JAK3: variants seen among roughly 807,000 people sequenced by gnomAD.
JAK3 encodes Janus kinase 3, also known as tyrosine-protein kinase JAK3.
Under a neutral mutation model 120.8 loss-of-function variants are expected in JAK3, and 88 were observed. The observed-to-expected ratio is 0.73, with a 90% confidence interval of 0.61 to 0.87. The LOEUF (loss-of-function observed/expected upper bound fraction) is 0.87, where lower values mean the gene tolerates loss of function less well. Among genes scored for constraint, JAK3 ranks in the 40% least tolerant of loss-of-function variants. The pLI is 0.00. For synonymous variants in JAK3, 592 were observed against 628.6 expected, an observed-to-expected ratio of 0.94 and a Z score of 0.87; for missense variants, 1,254 against 1,501.4, an observed-to-expected ratio of 0.84 and a Z score of 2.72.
chr19:17,839,623 C>A lies in JAK3; in HGVS notation c.1295G>T (p.Arg432Leu). The A allele has an allele frequency of 6.2e-7, 1 of 1,612,114 alleles. No individual in the cohort carries two copies. Among genetic ancestry groups the A allele is most frequent in the Non-Finnish European group, 8.5e-7 (1 of 1,179,450 alleles). Residue 432 changes from arginine (R) to leucine (L), a missense_variant, in exon 10 of 24, where the codon CGC becomes CTC. Around this residue, in one of 3 missense-constraint regions of JAK3, gnomAD observed 486 missense variants for 503.0 expected, o/e 0.97. Transcript: ENST00000458235. ...CAGAAGGAAGGTTCCTGTGGGGCTGCGCCGGATGAGGCAGCCCTTATAATC... is the reference window on the plus strand; with the variant it reads ...CAGAAGGAAGGTTCCTGTGGGGCTGAGCCGGATGAGGCAGCCCTTATAATC... ...GPDYKGCLIR[R>L]SPTGTFLLVG...
At position 17,826,580 on chromosome 19, in the gene JAK3, C is replaced by T. The variant is rs2094204280; in HGVS notation, c.*163G>A. On this transcript the variant is annotated 3_prime_UTR_variant, in exon 24 of 24. Coordinates refer to ENST00000458235, the MANE Select transcript of JAK3 (RefSeq NM_000215.4). The stretch of plus-strand genomic sequence containing the variant: ...CTTAACAAATTGCAAAGGCCACAGG[C>T]TATTCTACAGGCCACGGGAGCCCCC... The T allele has an allele frequency of 1.3e-6, 1 of 765,038 alleles. No homozygotes were observed. The highest frequency in any genetic ancestry group is 1.7e-5 in the African/African-American group (1 of 58,316). 47.4% of individuals were successfully genotyped at this position (765,038 alleles called of 1,614,324 possible).
chr19:17,831,134 G>C lies in JAK3; in HGVS notation c.2978+94C>G. ...GCGGAGGAAGGGCGGGGCTAAGGCT[G>C]GGGAGCAAAGCAGCGGGAGGGGGCG... On this transcript the variant is annotated intron_variant, in intron 21 of 23. Transcript: ENST00000458235. This position sits in a 1 kb window ranked among gnomAD's most constrained non-coding sequence, Gnocchi z 5.1. 7.2e-7 allele frequency: 1 copy of C among 1,387,200 alleles called. No individual in the cohort carries two copies. 85.9% of individuals were successfully genotyped at this position (1,387,200 alleles called of 1,614,324 possible).
intron 10 of JAK3, 142 bp from the exon 11 acceptor site, chr19:17,838,532 T>C (rs948944752): frequency 2.2e-6 from 2 of 923,326 alleles, no homozygotes; most frequent in African/African-American, 1.6e-5. Context: ...CTTTTTGTTG[T>C]TGTTTTTGTT....
Position 17,831,193 on chromosome 19 carries a change from G to A in JAK3, c.2978+35C>T, listed in dbSNP as rs775926773. 4.4e-6 allele frequency: 7 copies of A among 1,600,336 alleles called. No individual in the cohort carries two copies. Among genetic ancestry groups the A allele is most frequent in the Non-Finnish European group, 5.1e-6 (6 of 1,173,782 alleles). On this transcript the variant is annotated intron_variant, in intron 21 of 23. Coordinates refer to ENST00000458235, the MANE Select transcript of JAK3 (RefSeq NM_000215.4). This position sits in a 1 kb window ranked among gnomAD's most constrained non-coding sequence, Gnocchi z 5.1. Reference sequence around the variant, plus strand: ...GCTGGGGGCGGAGCCAGAGCCGTGGGGAATAGGGGCGGAGCCTAGGCGCGG... The same window carrying A: ...GCTGGGGGCGGAGCCAGAGCCGTGGAGAATAGGGGCGGAGCCTAGGCGCGG...
intron 23 of JAK3, among the ~76,000 whole-genome samples, chr19:17,828,070 T>G (rs1371741326): frequency 1.3e-5 from 2 of 152,026 alleles, no homozygotes; most frequent in South Asian, 2.1e-4. Flanking sequence ...CCCTTCCGTG[T>G]CCTCCACTGG....
chr19:17,835,321 C>G (rs987912605), intron 14 of JAK3, 106 bp from the exon 15 acceptor site: 37 of 1,386,142 alleles, frequency 2.7e-5, no homozygotes, highest in Non-Finnish European at 3.4e-5. Context: ...ACTGCTCAGA[C>G]ATGCTCCAGC....
chr19:17,842,703 G>C lies in JAK3; in HGVS notation c.567-93C>G. 1 of 1,318,592 alleles carries C rather than the reference G, an allele frequency of 7.6e-7. No homozygotes were observed. The highest frequency in any genetic ancestry group is 1.0e-6 in the Non-Finnish European group (1 of 978,768). 81.7% of individuals were successfully genotyped at this position (1,318,592 alleles called of 1,614,324 possible). On this transcript the variant is annotated intron_variant, in intron 5 of 23. Transcript: ENST00000458235. This position sits in a 1 kb window ranked among gnomAD's most constrained non-coding sequence, Gnocchi z 6.4. ...AACCCAGGCTTTAGCCCAGGGGCTG[G>C]GGTGCGGCCCTAGTTGGGGCACCAG...
intron 12 of JAK3, 121 bp downstream of exon 12, chr19:17,837,811 G>T: frequency 1.4e-6 from 2 of 1,403,074 alleles, no homozygotes; most frequent in Non-Finnish European, 2.0e-6. Context: ...CTCCCAAAGT[G>T]CTGGGATGAC....
chr19:17,831,773 C>T lies in JAK3; in HGVS notation c.2706G>A (p.Met902Ile), dbSNP rs2147677065. 1.9e-6 allele frequency: 3 copies of T among 1,612,778 alleles called. No individual in the cohort carries two copies. Among genetic ancestry groups the T allele is most frequent in the Non-Finnish European group, 2.5e-6 (3 of 1,179,868 alleles). Reference protein sequence around the residue: ...GPGRQSLRLVMEYLPSGCLRD... With the variant: ...GPGRQSLRLVIEYLPSGCLRD... The stretch of plus-strand genomic sequence containing the variant: ...GCAAGCAGCCGCTGGGCAGGTACTC[C>T]ATGACCAGCCGCAGGCTCTGGCGGC... Residue 902 changes from methionine to isoleucine, a missense_variant, in exon 20 of 24, where the codon ATG becomes ATA. Transcript: ENST00000458235. This position sits in a 1 kb window ranked among gnomAD's most constrained non-coding sequence, Gnocchi z 5.1.
chr19:17,846,308 C>T (rs2094252096), intron 1 of JAK3, among the ~76,000 whole-genome samples: 2 of 152,076 alleles, frequency 1.3e-5, no homozygotes, highest in Admixed American at 6.6e-5. Flanking sequence ...GATCAACAAA[C>T]GCCTGTTAAA....
chr19:17,839,505 G>A lies in JAK3; in HGVS notation c.1413C>T (p.Leu471=). Residue 471 remains leucine (L), a synonymous_variant, in exon 10 of 24, where the codon CTC becomes CTT. Coordinates refer to ENST00000458235, the MANE Select transcript of JAK3 (RefSeq NM_000215.4). ...TGGGTCTGGGGATACAGCAGGAAGT[G>A]AGGGTCACTGCCACCCCATCTACGT... ...GLHVDGVAVT[L]TSCCIPRPKE... 1 of 1,594,448 alleles carries A rather than the reference G, an allele frequency of 6.3e-7. No homozygotes were observed. Among genetic ancestry groups the A allele is most frequent in the Non-Finnish European group, 8.5e-7 (1 of 1,170,106 alleles).
Position 17,841,851 on chromosome 19 carries a change from C to T in JAK3, c.862-89G>A. 4 of 1,564,074 alleles carry T rather than the reference C, an allele frequency of 2.6e-6. No individual in the cohort carries two copies. Among genetic ancestry groups the T allele is most frequent in the Non-Finnish European group, 3.5e-6 (4 of 1,153,886 alleles). On this transcript the variant is annotated intron_variant, in intron 6 of 23. Transcript: ENST00000458235. The surrounding 1 kb of genome is among the most constrained non-coding windows in gnomAD (Gnocchi z 4.1). ...ACCCACCCCCAAGCCACACCATCCA[C>T]TCCCTATCCCTTTGCCATTCAACCC...
chr19:17,836,655 T>A (rs1380352909), intron 13 of JAK3: 4 of 407,914 alleles, frequency 9.8e-6, no homozygotes, highest in Non-Finnish European at 1.8e-5. Flanking sequence ...ACACTTGTCC[T>A]TATCTTTCCA....
Position 17,843,979 on chromosome 19 carries a change from C to T in JAK3, c.185-79G>A. On this transcript the variant is annotated intron_variant, in intron 2 of 23. Coordinates refer to ENST00000458235, the MANE Select transcript of JAK3 (RefSeq NM_000215.4). This position sits in a 1 kb window ranked among gnomAD's most constrained non-coding sequence, Gnocchi z 5.4. Reference sequence around the variant, plus strand: ...CAGGAGTGCCAGCATCATACCCAACCGTCCAGATCCTTCCATACCTCAAGG... The same window carrying T: ...CAGGAGTGCCAGCATCATACCCAACTGTCCAGATCCTTCCATACCTCAAGG... The T allele has an allele frequency of 7.1e-6, 11 of 1,555,806 alleles. No homozygotes were observed. The highest frequency in any genetic ancestry group is 2.3e-5 in the South Asian group (2 of 86,702).
At chr19:17,839,057 A>G (rs2094231282) in intron 10 of JAK3, 1 of 345,064 alleles carries the variant, frequency 2.9e-6, no homozygotes, top group Non-Finnish European at 5.7e-6. Flanking sequence ...AAGCCCCCAT[A>G]GGGATTTGGG....
intron 22 of JAK3, 83 bp downstream of exon 22, chr19:17,830,420 G>C: frequency 8.7e-7 from 1 of 1,144,210 alleles, no homozygotes; most frequent in Non-Finnish European, 1.3e-6. Context: ...GCTAAAGAGG[G>C]ACGCAGGCGC....
Position 17,839,276 on chromosome 19 carries a change from G to A in JAK3, c.1441+201C>T, listed in dbSNP as rs868301704. ...AGAGAGACTAGGTGCAGATGACATG[G>A]CTCACATCTAGCTGTGCCTAGATCA... On this transcript the variant is annotated intron_variant, in intron 10 of 23. Transcript: ENST00000458235. 38 of 688,166 alleles carry A rather than the reference G, an allele frequency of 5.5e-5. No homozygotes were observed. In the African/African-American group the frequency reaches 5.6e-4, roughly 10 times the overall value. The allele number at this position is 688,166 out of a possible 1,614,324, so 42.6% of individuals were successfully genotyped here.
chr19:17,836,307 G>A (rs1249166592), intron 13 of JAK3, among the ~76,000 whole-genome samples: 1 of 152,002 alleles, frequency 6.6e-6, no homozygotes. Context: ...TTTTGAGACA[G>A]AGTCTTACTC....
intron 17 of JAK3, 103 bp downstream of exon 17, chr19:17,834,468 C>A: frequency 2.2e-6 from 3 of 1,352,728 alleles, no homozygotes; most frequent in Non-Finnish European, 3.1e-6. Flanking sequence ...ACCCCTCCAA[C>A]CTCACCAGAC....
Sources: allele counts gnomAD v4.1 joint callset (sites outside exome capture counted in the v4.1 genomes callset), GRCh38; gene constraint gnomAD v4.1.1; regional missense constraint gnomAD v4.1.1; non-coding constraint Gnocchi (gnomAD v3.1); transcripts MANE v1.5; gene names NCBI Gene and HGNC (gene_info 2026-07-23, HGNC 2026-07-21).